MTUS1: variants seen among roughly 807,000 people sequenced by gnomAD.
MTUS1 encodes the protein microtubule-associated tumor suppressor 1.
Under a neutral mutation model 120.8 loss-of-function variants are expected in MTUS1, and 109 were observed. The observed-to-expected ratio is 0.90, with a 90% CI of 0.77 to 1.06. The LOEUF (loss-of-function observed/expected upper bound fraction) is 1.06, where lower values mean the gene tolerates loss of function less well. Among genes scored for constraint, MTUS1 ranks in the 50% least tolerant of loss-of-function variants. MTUS1 has a pLI of 0.00. For synonymous variants in MTUS1, 737 were observed against 550.5 expected (o/e 1.34, Z -4.74); for missense variants, 2,210 against 1,486.3 (o/e 1.49, Z -8.01).
At chr8:17,769,473 C>G (rs561015738) in intron 1 of MTUS1, among the ~76,000 whole-genome samples, 2 of 150,848 alleles carry the variant, frequency 1.3e-5, no homozygotes, top group Non-Finnish European at 3.0e-5. Context: ...TCAGCCTCCC[C>G]AGTAGCTGGG....
intron 1 of MTUS1, among the ~76,000 whole-genome samples, chr8:17,759,390 A>C (rs1377687326): frequency 1.3e-5 from 2 of 151,472 alleles, no homozygotes; most frequent in Admixed American, 6.6e-5. Context: ...CAGCCTCCCG[A>C]GTAGCTGTGA....
intron 3 of MTUS1, among the ~76,000 whole-genome samples, chr8:17,733,573 A>C (rs978877024): frequency 3.3e-5 from 5 of 152,124 alleles, no homozygotes; most frequent in African/African-American, 1.2e-4. Flanking sequence ...TAAACTTGAT[A>C]AACTATCCAA....
chr8:17,722,350 G>A lies in MTUS1; in HGVS notation c.2449+1322C>T, dbSNP rs149810753. 337 of 967,924 alleles carry A rather than the reference G, an allele frequency of 3.5e-4. No individual in the cohort carries two copies. In the African/African-American group the frequency reaches 5.7e-3, roughly 16 times the overall value. The allele number at this position is 967,924 out of a possible 1,614,324, so 60.0% of individuals were successfully genotyped here. On this transcript the variant is annotated intron_variant, in intron 4 of 14. Transcript: ENST00000693296. ...TTTTCTAGAGCATGTTGGTGATTCTGTTTTGGCAGTTTGTCTTTAAAATTG... is the reference window on the plus strand; with the variant it reads ...TTTTCTAGAGCATGTTGGTGATTCTATTTTGGCAGTTTGTCTTTAAAATTG...
intron 1 of MTUS1, among the ~76,000 whole-genome samples, chr8:17,796,011 G>C (rs2052197252): frequency 6.6e-6 from 1 of 151,652 alleles, no homozygotes; most frequent in Non-Finnish European, 1.5e-5. Flanking sequence ...GGGCAGTGGA[G>C]CGATCTCAGC....
intron 8 of MTUS1, among the ~76,000 whole-genome samples, chr8:17,662,269 G>C (rs945266907): frequency 3.4e-4 from 52 of 151,262 alleles, no homozygotes; most frequent in African/African-American, 1.2e-3. Flanking sequence ...TTTCGAATTT[G>C]CAACAAGCAA....
At chr8:17,702,468 T>C (rs1245091917) in intron 6 of MTUS1, among the ~76,000 whole-genome samples, 1 of 152,226 alleles carries the variant, frequency 6.6e-6, no homozygotes, top group South Asian at 2.1e-4. Flanking sequence ...TTGTTAACTG[T>C]AGGCACAATG....
At chr8:17,797,112 T>C (rs189183116) in intron 1 of MTUS1, among the ~76,000 whole-genome samples, 4 of 152,168 alleles carry the variant, frequency 2.6e-5, no homozygotes, top group Admixed American at 1.3e-4. Context: ...TGAGACTCCA[T>C]CTCAAAATAA....
At position 17,754,681 on chromosome 8, in the gene MTUS1, T is replaced by TGGACA; in HGVS notation, c.1126_1127insTGTCC (p.Asp376ValfsTer22). 1 of 1,614,246 alleles carries TGGACA rather than the reference T, an allele frequency of 6.2e-7. No homozygotes were observed. The highest frequency in any genetic ancestry group is 8.5e-7 in the Non-Finnish European group (1 of 1,180,036). On this transcript the variant is annotated frameshift_variant, in exon 2 of 15. Transcript: ENST00000693296. LOFTEE classifies it high-confidence loss of function. ...CTTTCCTTTGGAGACCATTTGTGTGTCTTCAGTCTCAGTGACTTTATGCTC... is the reference window on the plus strand; with the variant it reads ...CTTTCCTTTGGAGACCATTTGTGTGTGGACACTTCAGTCTCAGTGACTTTATGCTC...
Position 17,655,863 on chromosome 8 carries a change from C to A in MTUS1, c.3108G>T (p.Gln1036His), listed in dbSNP as rs1808097309. The change falls in exon 9 of 15, where the codon CAG becomes CAT. Residue 1036 changes from glutamine (Q) to histidine (H), a missense_variant and splice_region_variant. Coordinates refer to ENST00000693296, the MANE Select transcript of MTUS1 (RefSeq NM_001363059.2). ...AAGCTCTGGCTGCAAAAGCACAGAC[C>A]TGCTCTTGCAATTGCATTTTGTACT... ...AEKYKMQLQE[Q>H]FDNLNAAHET... 1 of 1,613,948 alleles carries A rather than the reference C, an allele frequency of 6.2e-7. No homozygotes were observed. The highest frequency in any genetic ancestry group is 8.5e-7 in the Non-Finnish European group (1 of 1,179,900).
chr8:17,754,177 G>T lies in MTUS1; in HGVS notation c.1631C>A (p.Ser544Ter), dbSNP rs772791104. ...GACTGTTTGTTGTCTTGAATTCACT[G>T]ATGAGGGTGATGAGGCACTGGTCTG... ...PQQTSASSPS[S>*]VNSRQQTVLS... is the part of the protein sequence containing the mutation. Residue 544 changes from serine (S) to a stop codon, truncating the protein, a stop_gained, in exon 2 of 15, where the codon TCA becomes TAA. Transcript: ENST00000693296. LOFTEE classifies it high-confidence loss of function. 1 of 1,613,916 alleles carries T rather than the reference G, an allele frequency of 6.2e-7. No individual in the cohort carries two copies. The highest frequency in any genetic ancestry group is 8.5e-7 in the Non-Finnish European group (1 of 1,180,014).
At chr8:17,739,153 A>T (rs572101030) in intron 3 of MTUS1, among the ~76,000 whole-genome samples, 1 of 152,144 alleles carries the variant, frequency 6.6e-6, no homozygotes, top group African/African-American at 2.4e-5. Flanking sequence ...AAAAACAAAC[A>T]AACAGAAAAC....
intron 1 of MTUS1, among the ~76,000 whole-genome samples, chr8:17,766,759 A>G (rs1028440486): frequency 2.0e-5 from 3 of 152,210 alleles, no homozygotes; most frequent in African/African-American, 7.2e-5. Flanking sequence ...ATGATAGTGC[A>G]GAGTTAATGG....
intron 6 of MTUS1, among the ~76,000 whole-genome samples, chr8:17,699,499 C>A (rs946068757): frequency 3.3e-5 from 5 of 152,160 alleles, no homozygotes; most frequent in African/African-American, 1.2e-4. Context: ...CAGGGGTGAG[C>A]CACCACGCCC....
chr8:17,706,429 A>G (rs925423888), intron 6 of MTUS1, among the ~76,000 whole-genome samples: 3 of 152,180 alleles, frequency 2.0e-5, no homozygotes, highest in Non-Finnish European at 4.4e-5. Flanking sequence ...GCTTTTCTAC[A>G]TTGTCTTATG....
chr8:17,781,155 T>G (rs1202875910), intron 1 of MTUS1, among the ~76,000 whole-genome samples: 1 of 152,232 alleles, frequency 6.6e-6, no homozygotes, highest in Non-Finnish European at 1.5e-5. Flanking sequence ...TCAAGTGATC[T>G]GTTTCCACCT....
chr8:17,701,548 T>C (rs906864847), intron 6 of MTUS1, among the ~76,000 whole-genome samples: 2 of 152,262 alleles, frequency 1.3e-5, no homozygotes, highest in South Asian at 4.2e-4. Flanking sequence ...CATATGTTCA[T>C]CGTAGAATTT....
intron 4 of MTUS1, among the ~76,000 whole-genome samples, chr8:17,720,854 T>C (rs2045783272): frequency 6.6e-6 from 1 of 152,206 alleles, no homozygotes; most frequent in South Asian, 2.1e-4. Context: ...TGAAATGTTT[T>C]ACACTAATAT....
chr8:17,757,980 G>A (rs2048751708), intron 1 of MTUS1, among the ~76,000 whole-genome samples: 1 of 151,974 alleles, frequency 6.6e-6, no homozygotes, highest in East Asian at 1.9e-4. Flanking sequence ...GTGTAAATTT[G>A]TTAACTCTTT....
rs755612864 is a variant in MTUS1 at position 17,755,136 on chromosome 8, A to C, written c.672T>G (p.Asp224Glu). The C allele has an allele frequency of 6.2e-7, 1 of 1,614,102 alleles. No individual in the cohort carries two copies. Among genetic ancestry groups the C allele is most frequent in the Non-Finnish European group, 8.5e-7 (1 of 1,180,026 alleles). The change falls in exon 2 of 15, where the codon GAT (aspartate) becomes GAG (glutamate). Residue 224 changes from aspartate to glutamate, a missense_variant. By Grantham distance (45) the Asp-to-Glu change is conservative. Transcript: ENST00000693296. ...DKTHARETTY[D>E]RESFENPQVT... ...CTTGAGGGTTTTCAAAGCTTTCTCT[A>C]TCATAAGTAGTTTCTCTTGCATGCG...
Sources: allele counts gnomAD v4.1 joint callset (sites outside exome capture counted in the v4.1 genomes callset), GRCh38; gene constraint gnomAD v4.1.1; transcripts MANE v1.5; gene names NCBI Gene and HGNC (gene_info 2026-07-23, HGNC 2026-07-21).